DLGAP2: variants seen among roughly 807,000 people sequenced by gnomAD.
DLGAP2 encodes the protein DLG associated protein 2, also known as disks large-associated protein 2.
DLGAP2 carries 26 observed loss-of-function variants against 100.3 expected under a neutral mutation model. The observed-to-expected ratio is 0.26, with a 90% confidence interval of 0.19 to 0.36. The LOEUF is 0.36. Ranked by LOEUF, DLGAP2 falls within the 10% of genes least tolerant of loss-of-function variation. The pLI, the probability that DLGAP2 is intolerant of heterozygous loss-of-function variation, is 1.00. For synonymous variants in DLGAP2, 886 were observed against 630.1 expected (o/e 1.41, Z -6.08); for missense variants, 1,858 against 1,453.2 (o/e 1.28, Z -4.53).
intron 2 of DLGAP2, among the ~76,000 whole-genome samples, chr8:1,036,892 T>G (rs1000041943): frequency 6.6e-6 from 1 of 152,152 alleles, no homozygotes; most frequent in Admixed American, 6.5e-5. Context: ...CATAAGCTGC[T>G]TTTTTTAGGA....
At chr8:1,346,031 C>G (rs910406026) in intron 3 of DLGAP2, among the ~76,000 whole-genome samples, 7 of 152,206 alleles carry the variant, frequency 4.6e-5, no homozygotes, top group African/African-American at 1.7e-4. Context: ...GGGACAGGCT[C>G]AATGCCCACG....
chr8:1,241,774 C>G (rs1284091600), intron 2 of DLGAP2, among the ~76,000 whole-genome samples: 2 of 151,870 alleles, frequency 1.3e-5, no homozygotes, highest in Non-Finnish European at 2.9e-5. Context: ...TTCTGGAAAC[C>G]TTCAGGTTGG....
intron 1 of DLGAP2, among the ~76,000 whole-genome samples, chr8:875,493 T>C (rs529741873): frequency 1.4e-4 from 21 of 152,314 alleles, no homozygotes; most frequent in South Asian, 8.3e-4. Flanking sequence ...CCCCTTTCCC[T>C]CGGCTCTCAT....
chr8:927,367 G>T (rs993770515), intron 2 of DLGAP2, among the ~76,000 whole-genome samples: 2 of 152,264 alleles, frequency 1.3e-5, no homozygotes, highest in African/African-American at 2.4e-5. Flanking sequence ...CTTTGTGGGG[G>T]TGTGTTTAAA....
At chr8:1,428,749 C>T (rs1411577546) in intron 3 of DLGAP2, among the ~76,000 whole-genome samples, 1 of 152,204 alleles carries the variant, frequency 6.6e-6, no homozygotes. Flanking sequence ...CAAGTGGAAG[C>T]TTTGCAGGCA....
chr8:1,639,318 C>T (rs551684567), intron 8 of DLGAP2, among the ~76,000 whole-genome samples: 5 of 152,242 alleles, frequency 3.3e-5, no homozygotes, highest in African/African-American at 9.6e-5. Flanking sequence ...GGAGGGGCCA[C>T]GGAGGGGAGT....
At chr8:857,292 T>A (rs897323885) in intron 1 of DLGAP2, among the ~76,000 whole-genome samples, 3 of 152,196 alleles carry the variant, frequency 2.0e-5, no homozygotes, top group Non-Finnish European at 4.4e-5. Flanking sequence ...GGTGACTTTT[T>A]AGATATAACA....
intron 2 of DLGAP2, among the ~76,000 whole-genome samples, chr8:910,851 A>G (rs943584443): frequency 3.3e-5 from 5 of 152,048 alleles, no homozygotes; most frequent in Non-Finnish European, 5.9e-5. Flanking sequence ...GCGGGCTATA[A>G]AAAGGATCGC....
intron 3 of DLGAP2, among the ~76,000 whole-genome samples, chr8:1,298,347 C>T (rs1192952517): frequency 6.6e-6 from 1 of 152,188 alleles, no homozygotes; most frequent in African/African-American, 2.4e-5. Flanking sequence ...CCTACAGAGG[C>T]CGCGTCCTTC....
chr8:1,359,636 T>A (rs1424486251), intron 3 of DLGAP2, among the ~76,000 whole-genome samples: 3 of 152,222 alleles, frequency 2.0e-5, no homozygotes, highest in Non-Finnish European at 4.4e-5. Flanking sequence ...CGGCTGTCCC[T>A]GTGGGTGATG....
chr8:1,111,420 G>C (rs1804954915), intron 2 of DLGAP2, among the ~76,000 whole-genome samples: 1 of 151,308 alleles, frequency 6.6e-6, no homozygotes, highest in Non-Finnish European at 1.5e-5. Flanking sequence ...TTTATTTTTG[G>C]TTCCGCGGTA....
chr8:1,275,026 GCAGA>G (rs200028216), intron 3 of DLGAP2, among the ~76,000 whole-genome samples: 2,678 of 152,106 alleles, frequency 0.018, 26 homozygotes, highest in South Asian at 0.034. Context: ...TTGCTCTACC[GCAGA>G]CAGACAGACA....
At chr8:994,710 T>A (rs984522117) in intron 2 of DLGAP2, among the ~76,000 whole-genome samples, 2 of 152,178 alleles carry the variant, frequency 1.3e-5, no homozygotes, top group Non-Finnish European at 2.9e-5. Context: ...TGATCCATCA[T>A]CATATGACTG....
rs201084494 is a variant in DLGAP2, at chr8:1,550,081, A to G, written c.1230+398A>G. Among the ~76,000 whole-genome samples, 17 of 152,172 alleles carry G rather than the reference A, an allele frequency of 1.1e-4. No individual in the cohort carries two copies. In the East Asian group the frequency reaches 2.1e-3, roughly 19 times the overall value. ...TTCCACTCTCTGCTCCTATGAGTTC[A>G]GCTGTTTCAGATGCCACCCGTGAGA... On this transcript the variant is annotated intron_variant, in intron 5 of 14. Coordinates refer to ENST00000637795, the MANE Select transcript of DLGAP2 (RefSeq NM_001346810.2).
intron 1 of DLGAP2, among the ~76,000 whole-genome samples, chr8:794,214 G>T (rs928180695): frequency 1.3e-5 from 2 of 151,948 alleles, no homozygotes; most frequent in Admixed American, 6.6e-5. Context: ...GTTTCTAGCT[G>T]CAGAATGGGG....
intron 2 of DLGAP2, among the ~76,000 whole-genome samples, chr8:1,252,315 T>C (rs1193139945): frequency 2.1e-5 from 3 of 144,348 alleles, no homozygotes; most frequent in Non-Finnish European, 4.8e-5. Context: ...TGTGGGTGTG[T>C]TGTGTTGTCC....
At chr8:1,550,315 G>A (rs1801719793) in intron 5 of DLGAP2, among the ~76,000 whole-genome samples, 1 of 152,222 alleles carries the variant, frequency 6.6e-6, no homozygotes, top group Non-Finnish European at 1.5e-5. Context: ...GGGCTGCAGG[G>A]ATGGCGGGAC....
At chr8:860,901 G>A (rs1797376454) in intron 1 of DLGAP2, among the ~76,000 whole-genome samples, 2 of 152,138 alleles carry the variant, frequency 1.3e-5, no homozygotes, top group South Asian at 4.2e-4. Context: ...CTAGGGTGGA[G>A]GAGCAATGGG....
At chr8:1,646,715 G>A (rs920664346) in intron 8 of DLGAP2, among the ~76,000 whole-genome samples, 1 of 152,174 alleles carries the variant, frequency 6.6e-6, no homozygotes, top group Non-Finnish European at 1.5e-5. Flanking sequence ...GAAAACAGGT[G>A]TCAGAGGCAC....
Sources: allele counts gnomAD v4.1 joint callset (sites outside exome capture counted in the v4.1 genomes callset), GRCh38; gene constraint gnomAD v4.1.1; transcripts MANE v1.5; gene names NCBI Gene and HGNC (gene_info 2026-07-23, HGNC 2026-07-21).